STAG1: variants seen among roughly 807,000 people sequenced by gnomAD.
STAG1 encodes the protein STAG1 cohesin complex component, also known as cohesin subunit SA-1.
In STAG1, 26 loss-of-function variants were observed where a neutral mutation model predicts 170.9. The ratio of observed to expected loss-of-function variants is 0.15; its 90% CI spans 0.11 to 0.21. STAG1 has a LOEUF of 0.21. Ranked by LOEUF, STAG1 falls within the 10% of genes least tolerant of loss-of-function variation. The probability of loss-of-function intolerance (pLI) is 1.00; values close to 1 mark genes in which losing one functional copy is unlikely to be tolerated. For missense variants in STAG1, 964 were observed against 1,509.5 expected (o/e 0.64, Z 5.99); for synonymous variants, 514 against 497.7 (o/e 1.03, Z -0.44).
At chr3:136,562,633 G>A (rs1936892342) in intron 5 of STAG1, among the ~76,000 whole-genome samples, 1 of 151,098 alleles carries the variant, frequency 6.6e-6, no homozygotes, top group Non-Finnish European at 1.5e-5. Flanking sequence ...TGTTGCCCAG[G>A]CAGGAGTGCA....
At chr3:136,441,599 TA>T (rs778338493) in intron 15 of STAG1, among the ~76,000 whole-genome samples, 2 of 152,160 alleles carry the variant, frequency 1.3e-5, no homozygotes, top group East Asian at 1.9e-4. Flanking sequence ...CCAGAATAGA[TA>T]ATACAAATTA....
chr3:136,372,491 T>G (rs1040446947), intron 23 of STAG1, among the ~76,000 whole-genome samples: 1 of 152,184 alleles, frequency 6.6e-6, no homozygotes, highest in Non-Finnish European at 1.5e-5. Context: ...GGGTTTGTCA[T>G]AGATAGCTCT....
chr3:136,343,751 G>C, intron 30 of STAG1, 81 bp downstream of exon 30: 3 of 1,180,622 alleles, frequency 2.5e-6, no homozygotes, highest in Non-Finnish European at 3.5e-6. Context: ...AATATGTTCT[G>C]ATGAACAAAT....
At chr3:136,463,851 A>T (rs1484624697) in intron 13 of STAG1, among the ~76,000 whole-genome samples, 1 of 146,276 alleles carries the variant, frequency 6.8e-6, no homozygotes, top group Non-Finnish European at 1.5e-5. Context: ...ATACATATAT[A>T]AATATATATT....
chr3:136,565,405 T>C (rs1436270154), intron 5 of STAG1, among the ~76,000 whole-genome samples: 1 of 152,100 alleles, frequency 6.6e-6, no homozygotes, highest in Admixed American at 6.5e-5. Context: ...TACAGACATG[T>C]CCAACAAGCA....
At chr3:136,653,028 A>G (rs1172016492) in intron 1 of STAG1, among the ~76,000 whole-genome samples, 1 of 152,144 alleles carries the variant, frequency 6.6e-6, no homozygotes. Context: ...TAATCCCAGC[A>G]CTTTGGGAGG....
At chr3:136,614,078 T>C (rs898281720) in intron 3 of STAG1, among the ~76,000 whole-genome samples, 4 of 152,034 alleles carry the variant, frequency 2.6e-5, no homozygotes, top group African/African-American at 9.7e-5. Flanking sequence ...TAGCCAGGCA[T>C]GGTGGTACGC....
intron 3 of STAG1, among the ~76,000 whole-genome samples, chr3:136,621,777 T>G (rs1939860425): frequency 6.6e-6 from 1 of 152,090 alleles, no homozygotes; most frequent in African/African-American, 2.4e-5. Flanking sequence ...AAACCAGTCT[T>G]GTTGTGTAAC....
chr3:136,666,124 A>T (rs1941762734), intron 1 of STAG1, among the ~76,000 whole-genome samples: 1 of 144,044 alleles, frequency 6.9e-6, no homozygotes, highest in Non-Finnish European at 1.5e-5. Context: ...AAGAAATGCA[A>T]GTGGTCTATA....
chr3:136,611,149 C>G (rs1939254485), intron 3 of STAG1, among the ~76,000 whole-genome samples: 1 of 152,014 alleles, frequency 6.6e-6, no homozygotes, highest in African/African-American at 2.4e-5. Context: ...AGGAATTTTA[C>G]ATAATTTTTT....
chr3:136,412,878 T>C (rs2087665330), intron 21 of STAG1, among the ~76,000 whole-genome samples: 1 of 151,484 alleles, frequency 6.6e-6, no homozygotes, highest in Admixed American at 6.6e-5. Context: ...TTTTTTTTTT[T>C]TGAGACCGAA....
intron 7 of STAG1, among the ~76,000 whole-genome samples, chr3:136,514,418 G>A (rs1934240641): frequency 6.6e-6 from 1 of 152,286 alleles, no homozygotes; most frequent in South Asian, 2.1e-4. Flanking sequence ...AACAACAGAT[G>A]CTAGAGAGGA....
At chr3:136,477,264 C>T (rs753593920) in intron 10 of STAG1, 25 bp downstream of exon 10, 24 of 1,568,060 alleles carry the variant, frequency 1.5e-5, no homozygotes, top group Admixed American at 1.9e-5. Flanking sequence ...TAACTTCCAT[C>T]AAAGCTTAGA....
chr3:136,445,017 C>G (rs560787242), intron 14 of STAG1, among the ~76,000 whole-genome samples: 56 of 148,998 alleles, frequency 3.8e-4, no homozygotes, highest in African/African-American at 1.4e-3. Context: ...TGTGCTACCC[C>G]GCCTGGCTTT....
intron 13 of STAG1, among the ~76,000 whole-genome samples, chr3:136,462,363 A>G (rs1224526487): frequency 1.3e-5 from 2 of 152,192 alleles, no homozygotes; most frequent in African/African-American, 4.8e-5. Context: ...TTTAGCCATA[A>G]AAAGGAAATC....
At chr3:136,537,664 T>C (rs1935704782) in intron 6 of STAG1, among the ~76,000 whole-genome samples, 1 of 151,902 alleles carries the variant, frequency 6.6e-6, no homozygotes, top group African/African-American at 2.4e-5. Context: ...CCACGCTAAT[T>C]TTTTTATTTT....
At chr3:136,610,668 T>A (rs1161250275) in intron 3 of STAG1, among the ~76,000 whole-genome samples, 1 of 152,182 alleles carries the variant, frequency 6.6e-6, no homozygotes, top group Non-Finnish European at 1.5e-5. Context: ...ATTTTCAGTA[T>A]GTATGTTAAG....
At chr3:136,731,429 C>T (rs182656302) in intron 1 of STAG1, among the ~76,000 whole-genome samples, 9 of 152,270 alleles carry the variant, frequency 5.9e-5, no homozygotes, top group African/African-American at 1.9e-4. Context: ...TTCAGCCTTC[C>T]CCTACCACTT....
In STAG1 at chr3:136,667,821, A is replaced by C. The variant is rs568330203; in HGVS notation, c.-83-36840T>G. ...CCATTTCTGTGTTTTTTAAACCATA[A>C]GAATGAATGATAATGTCTTTAAATA... is the stretch of plus-strand genomic sequence containing the variant. On this transcript the variant is annotated intron_variant, in intron 1 of 33. Coordinates refer to ENST00000383202, the MANE Select transcript of STAG1 (RefSeq NM_005862.3). Among the ~76,000 whole-genome samples the C allele has an allele frequency of 4.6e-5, 7 of 152,246 alleles. No homozygotes were observed. In the East Asian group the frequency reaches 1.2e-3, roughly 25 times the overall value.
Sources: gnomAD v4.1 joint callset for allele counts (sites outside exome capture counted in the v4.1 genomes callset) on GRCh38, gnomAD v4.1.1 for gene constraint, MANE v1.5 for transcripts, NCBI Gene and HGNC (gene_info 2026-07-23, HGNC 2026-07-21) for gene names.